Variants in HHAT observed in about 807,000 individuals in gnomAD.
HHAT encodes protein-cysteine N-palmitoyltransferase HHAT.
In HHAT, 47 loss-of-function variants were observed where a neutral mutation model predicts 70.8. The ratio of observed to expected loss-of-function variants is 0.66; its 90% CI spans 0.53 to 0.85. The LOEUF (loss-of-function observed/expected upper bound fraction) is 0.85, where lower values mean the gene tolerates loss of function less well. Ranked by LOEUF, HHAT falls within the 40% of genes least tolerant of loss-of-function variation. The pLI is 0.00. For synonymous variants in HHAT, 228 were observed against 247.6 expected, an observed-to-expected ratio of 0.92 and a Z score of 0.74; for missense variants, 609 against 604.8, an observed-to-expected ratio of 1.01 and a Z score of -0.07.
intron 10 of HHAT, among the ~76,000 whole-genome samples, chr1:210,601,993 GCA>G (rs1481670261): frequency 7.0e-6 from 1 of 142,160 alleles, no homozygotes; most frequent in Non-Finnish European, 1.6e-5. Context: ...GTGTATGTGT[GCA>G]CACACGCATG....
In HHAT at chr1:210,588,084, C is replaced by T; in HGVS notation, c.1230C>T (p.Cys410=). The part of the protein sequence containing the change: ...NGVRRLVETP[C]IQDSLARYFS... ...TCCGGAGGCTGGTGGAGACTCCCTG[C>T]ATCCAGGACAGTCTGGTGAGCAGGA... is the stretch of plus-strand genomic sequence containing the variant. The change falls in exon 10 of 12, where the codon TGC becomes TGT. Residue 410 remains cysteine, a synonymous_variant. Transcript: ENST00000261458. 1 of 1,606,384 alleles carries T rather than the reference C, an allele frequency of 6.2e-7. No individual in the cohort carries two copies. The highest frequency in any genetic ancestry group is 8.5e-7 in the Non-Finnish European group (1 of 1,177,266).
intron 10 of HHAT, among the ~76,000 whole-genome samples, chr1:210,622,284 C>T (rs1372826117): frequency 1.3e-5 from 2 of 152,146 alleles, no homozygotes; most frequent in Non-Finnish European, 2.9e-5. Context: ...GAAATATCTC[C>T]AGACCCTTTG....
At chr1:210,448,633 A>T (rs2093684523) in intron 7 of HHAT, among the ~76,000 whole-genome samples, 1 of 152,214 alleles carries the variant, frequency 6.6e-6, no homozygotes, top group South Asian at 2.1e-4. Flanking sequence ...AGAGTCTACC[A>T]AAGTAGCCAT....
chr1:210,467,621 C>T (rs1009630378), intron 8 of HHAT, among the ~76,000 whole-genome samples: 1 of 152,146 alleles, frequency 6.6e-6, no homozygotes, highest in Admixed American at 6.5e-5. Context: ...GCAAATTATT[C>T]TGCTGGGTCA....
intron 2 of HHAT, among the ~76,000 whole-genome samples, chr1:210,362,538 A>G (rs1216035923): frequency 1.3e-5 from 2 of 152,166 alleles, no homozygotes; most frequent in Non-Finnish European, 2.9e-5. Context: ...AATTTCTAAC[A>G]GCGTGTGCAC....
intron 9 of HHAT, among the ~76,000 whole-genome samples, chr1:210,537,290 C>T (rs558534446): frequency 2.0e-5 from 3 of 152,276 alleles, no homozygotes; most frequent in African/African-American, 7.2e-5. Context: ...GTCCCTCACC[C>T]TTCTTCTGCT....
At chr1:210,425,451 C>T (rs1037529537) in intron 7 of HHAT, among the ~76,000 whole-genome samples, 7 of 152,134 alleles carry the variant, frequency 4.6e-5, no homozygotes, top group African/African-American at 1.2e-4. Context: ...CCTAGATTGT[C>T]TTCCAGGATT....
chr1:210,406,394 TTTC>T (rs1193454351), intron 6 of HHAT, among the ~76,000 whole-genome samples: 1 of 133,292 alleles, frequency 7.5e-6, no homozygotes, highest in Non-Finnish European at 1.6e-5. Flanking sequence ...TCATCTCCTT[TTTC>T]TTCTTTTTTT....
intron 1 of HHAT, among the ~76,000 whole-genome samples, chr1:210,333,096 C>G (rs542400584): frequency 2.6e-5 from 4 of 152,346 alleles, no homozygotes; most frequent in Middle Eastern, 3.4e-3. Context: ...CCCACAGATG[C>G]AGCTGTACGA....
intron 10 of HHAT, among the ~76,000 whole-genome samples, chr1:210,592,545 AT>A (rs111899012): frequency 0.47 from 71,111 of 150,936 alleles, 17,364 homozygotes; most frequent in Non-Finnish European, 0.55. Context: ...AAGTTTTAGG[AT>A]TTTTTTTTTA....
At chr1:210,342,045 G>A (rs936851868) in intron 1 of HHAT, among the ~76,000 whole-genome samples, 3 of 152,064 alleles carry the variant, frequency 2.0e-5, no homozygotes, top group Non-Finnish European at 4.4e-5. Flanking sequence ...TGGAGTTGCT[G>A]TTTTATCTTC....
chr1:210,636,119 C>T (rs1477083199), intron 11 of HHAT, among the ~76,000 whole-genome samples: 1 of 152,196 alleles, frequency 6.6e-6, no homozygotes, highest in Admixed American at 6.5e-5. Context: ...CCTAACTTCT[C>T]TTTCCTTGGA....
At chr1:210,382,687 G>T (rs956707799) in intron 3 of HHAT, among the ~76,000 whole-genome samples, 1 of 152,210 alleles carries the variant, frequency 6.6e-6, no homozygotes, top group Non-Finnish European at 1.5e-5. Context: ...GTAGGTATGG[G>T]AAAGCTTCAC....
intron 5 of HHAT, among the ~76,000 whole-genome samples, chr1:210,403,931 C>CT (rs56979148): frequency 4.1e-4 from 58 of 141,304 alleles, no homozygotes; most frequent in South Asian, 3.6e-3. Flanking sequence ...AGGGCAGGGA[C>CT]TTTTTTTTTT....
At chr1:210,399,046 C>T (rs532197436) in intron 4 of HHAT, among the ~76,000 whole-genome samples, 1 of 152,320 alleles carries the variant, frequency 6.6e-6, no homozygotes, top group Non-Finnish European at 1.5e-5. Flanking sequence ...TTGCAATTTA[C>T]ACTCCACACC....
chr1:210,525,247 A>G lies in HHAT; in HGVS notation c.1043+12059A>G, dbSNP rs7553343. On this transcript the variant is annotated intron_variant, in intron 9 of 11. Transcript: ENST00000261458. ...TAGGACACAGAGACCCTCTAAATCC[A>G]CAAGGCTGGCTCATTCTCTGGGGCT... Among the ~76,000 whole-genome samples, 1,304 of 152,142 alleles carry G rather than the reference A, an allele frequency of 8.6e-3. 22 individuals carry two copies. Among genetic ancestry groups the G allele is most frequent in the African/African-American group, 0.027 (1,128 of 41,498 alleles).
chr1:210,470,289 G>T (rs1211364307), intron 8 of HHAT, among the ~76,000 whole-genome samples: 2 of 152,138 alleles, frequency 1.3e-5, no homozygotes, highest in Non-Finnish European at 2.9e-5. Flanking sequence ...CCCTGAATCT[G>T]CCCCAGTATG....
chr1:210,667,249 G>T (rs1220533066), intron 11 of HHAT, among the ~76,000 whole-genome samples: 1 of 152,058 alleles, frequency 6.6e-6, no homozygotes, highest in African/African-American at 2.4e-5. Flanking sequence ...GGGCATGGTG[G>T]TGCATGCCTG....
intron 8 of HHAT, among the ~76,000 whole-genome samples, chr1:210,500,398 G>T (rs996991862): frequency 6.6e-6 from 1 of 152,152 alleles, no homozygotes; most frequent in African/African-American, 2.4e-5. Context: ...TGACCTGCTG[G>T]CACCTTTTTG....
Sources: allele counts gnomAD v4.1 joint callset (sites outside exome capture counted in the v4.1 genomes callset), GRCh38; gene constraint gnomAD v4.1.1; transcripts MANE v1.5; gene names NCBI Gene and HGNC (gene_info 2026-07-23, HGNC 2026-07-21).